Variants in SAMD4A observed in about 807,000 individuals in gnomAD.
SAMD4A encodes the protein sterile alpha motif domain containing 4A.
Under a neutral mutation model 81.3 loss-of-function variants are expected in SAMD4A, and 33 were observed. The observed-to-expected ratio is 0.41, with a 90% CI of 0.31 to 0.54. SAMD4A has a LOEUF of 0.54. Ranked by LOEUF, SAMD4A falls within the 20% of genes least tolerant of loss-of-function variation. The probability of loss-of-function intolerance (pLI) is 0.37; values close to 1 mark genes in which losing one functional copy is unlikely to be tolerated. For synonymous variants in SAMD4A, 389 were observed against 382.1 expected (o/e 1.02, Z -0.21); for missense variants, 854 against 951.1 (o/e 0.90, Z 1.34).
At chr14:54,767,283 C>T (rs1394292366) in intron 8 of SAMD4A, among the ~76,000 whole-genome samples, 4 of 152,150 alleles carry the variant, frequency 2.6e-5, no homozygotes, top group Non-Finnish European at 5.9e-5. Flanking sequence ...GACAGGACGC[C>T]CCTTCATAGC....
chr14:54,768,355 T>G (rs2038610033), intron 8 of SAMD4A, among the ~76,000 whole-genome samples: 1 of 152,238 alleles, frequency 6.6e-6, no homozygotes. Context: ...TAAGTGTTGT[T>G]CATGTGTTAT....
At chr14:54,676,371 T>G (rs1254712625) in intron 2 of SAMD4A, among the ~76,000 whole-genome samples, 1 of 152,210 alleles carries the variant, frequency 6.6e-6, no homozygotes, top group African/African-American at 2.4e-5. Context: ...CTTTCTTTTC[T>G]TTTTTCTTTT....
At chr14:54,653,338 TA>T in intron 2 of SAMD4A, among the ~76,000 whole-genome samples, 3 of 146,130 alleles carry the variant, frequency 2.1e-5, no homozygotes, top group Non-Finnish European at 4.5e-5. Flanking sequence ...TTATTATTAT[TA>T]TTATTATTAT....
intron 8 of SAMD4A, among the ~76,000 whole-genome samples, chr14:54,767,326 A>G (rs1382714404): frequency 6.6e-6 from 1 of 152,118 alleles, no homozygotes; most frequent in East Asian, 1.9e-4. Flanking sequence ...GGCTGGGAGC[A>G]GGGAAGGTAT....
intron 10 of SAMD4A, among the ~76,000 whole-genome samples, chr14:54,775,918 G>A (rs1286723406): frequency 2.7e-5 from 4 of 150,856 alleles, no homozygotes; most frequent in African/African-American, 4.9e-5. Context: ...TCAAGAAGAC[G>A]TCACTGCTGG....
At chr14:54,663,933 A>T (rs1018429220) in intron 2 of SAMD4A, among the ~76,000 whole-genome samples, 1 of 152,232 alleles carries the variant, frequency 6.6e-6, no homozygotes, top group African/African-American at 2.4e-5. Flanking sequence ...AAACCTAAGT[A>T]TGCCAGTTGT....
intron 2 of SAMD4A, chr14:54,700,915 T>TA (rs1200966246): frequency 2.0e-5 from 3 of 152,064 alleles, no homozygotes; most frequent in African/African-American, 4.8e-5. Context: ...CTAGAGTAGT[T>TA]AGAGTTTCAG....
At chr14:54,719,527 C>T (rs541496898) in intron 3 of SAMD4A, among the ~76,000 whole-genome samples, 1 of 152,144 alleles carries the variant, frequency 6.6e-6, no homozygotes, top group Non-Finnish European at 1.5e-5. Context: ...TCAACATTCC[C>T]TTCTTTGTGA....
At chr14:54,616,207 C>T (rs1284064338) in intron 2 of SAMD4A, among the ~76,000 whole-genome samples, 4 of 152,178 alleles carry the variant, frequency 2.6e-5, no homozygotes, top group Admixed American at 2.6e-4. Context: ...CATTTTATAC[C>T]TGTCTTTATT....
At position 54,789,184 on chromosome 14, in the gene SAMD4A, GA is replaced by G; in HGVS notation, c.*241del. ...GGGATGGTTTGGTGTGTGGGGTGGG[GA>G]GGGGTCTCTAGGGAATTATGAGACT... On this transcript the variant is annotated 3_prime_UTR_variant, in exon 13 of 13. Transcript: ENST00000554335. 1 of 512,200 alleles carries G rather than the reference GA, an allele frequency of 2.0e-6. No homozygotes were observed. The highest frequency in any genetic ancestry group is 3.6e-6 in the Non-Finnish European group (1 of 280,716). 31.7% of individuals were successfully genotyped at this position (512,200 alleles called of 1,614,324 possible). A position where few individuals can be genotyped will look rare whatever the true frequency, so the allele number is the denominator to read the frequency against.
At chr14:54,575,397 T>C (rs1309927956) in intron 2 of SAMD4A, among the ~76,000 whole-genome samples, 2 of 152,190 alleles carry the variant, frequency 1.3e-5, no homozygotes, top group Non-Finnish European at 2.9e-5. Context: ...GGACCACTTA[T>C]CTTTTGCCCA....
rs139702550 is a variant in SAMD4A, at chr14:54,708,238, T to A, written c.715+5658T>A. 3.3e-5 allele frequency among the ~76,000 whole-genome samples: 5 copies of A among 152,012 alleles called. No homozygotes were observed. The East Asian group carries it at 9.7e-4, about 29-fold the overall frequency. Reference sequence around the variant, plus strand: ...ATTTCCTGACAGAATAAATGAAGGGTTTGAAGGAGAGGATTGAAGGAGGAC... The same window carrying A: ...ATTTCCTGACAGAATAAATGAAGGGATTGAAGGAGAGGATTGAAGGAGGAC... On this transcript the variant is annotated intron_variant, in intron 3 of 12. Coordinates refer to ENST00000554335, the MANE Select transcript of SAMD4A (RefSeq NM_015589.6).
intron 2 of SAMD4A, among the ~76,000 whole-genome samples, chr14:54,575,154 C>T (rs2033251560): frequency 6.6e-6 from 1 of 152,098 alleles, no homozygotes; most frequent in South Asian, 2.1e-4. Context: ...ACCTAAGTGT[C>T]CTAGGAGAGC....
At chr14:54,633,487 C>T (rs2034953189) in intron 2 of SAMD4A, among the ~76,000 whole-genome samples, 1 of 151,988 alleles carries the variant, frequency 6.6e-6, no homozygotes, top group South Asian at 2.1e-4. Flanking sequence ...GATGTGGGGT[C>T]GTGAGTAGTT....
In SAMD4A at chr14:54,737,407, G is replaced by T. The variant is rs577928590; in HGVS notation, c.979+120G>T. The T allele has an allele frequency of 2.5e-6, 3 of 1,177,152 alleles. No homozygotes were observed. The African/African-American group carries it at 4.6e-5, about 18-fold the overall frequency. The allele number at this position is 1,177,152 out of a possible 1,614,324, so 72.9% of individuals were successfully genotyped here. ...GAGCCCACCCCTTCCCCAGGCTTAC[G>T]CATTTGATCTGTCCCTTCCAGAACT... On this transcript the variant is annotated intron_variant, in intron 4 of 12. Transcript: ENST00000554335.
intron 2 of SAMD4A, among the ~76,000 whole-genome samples, chr14:54,607,131 A>G (rs1270685246): frequency 6.6e-6 from 1 of 152,230 alleles, no homozygotes; most frequent in Non-Finnish European, 1.5e-5. Context: ...AATAGGGAAT[A>G]CAGCTGAGGT....
intron 3 of SAMD4A, among the ~76,000 whole-genome samples, chr14:54,712,840 A>G (rs1486324216): frequency 2.0e-5 from 3 of 152,164 alleles, no homozygotes; most frequent in Non-Finnish European, 4.4e-5. Flanking sequence ...ATTAAACACT[A>G]GATGAGCTAC....
intron 3 of SAMD4A, among the ~76,000 whole-genome samples, chr14:54,728,310 C>A (rs1225970572): frequency 1.3e-5 from 2 of 152,192 alleles, no homozygotes; most frequent in Admixed American, 6.5e-5. Context: ...GTACCAATCT[C>A]ACCATGTTCC....
At chr14:54,603,755 TA>T (rs201248388) in intron 2 of SAMD4A, among the ~76,000 whole-genome samples, 10,923 of 144,812 alleles carry the variant, frequency 0.075, 398 homozygotes, top group East Asian at 0.15. Context: ...GCCTTTTCTT[TA>T]AAAAAAAAAA....
Sources: gnomAD v4.1 joint callset for allele counts (sites outside exome capture counted in the v4.1 genomes callset) on GRCh38, gnomAD v4.1.1 for gene constraint, MANE v1.5 for transcripts, NCBI Gene and HGNC (gene_info 2026-07-23, HGNC 2026-07-21) for gene names.